The following TNRC18 variants were observed in gnomAD, a reference collection of about 807,000 sequenced individuals.
TNRC18 encodes trinucleotide repeat-containing gene 18 protein.
In TNRC18, 69 loss-of-function variants were observed where a neutral mutation model predicts 226.7. The observed-to-expected ratio is 0.30, with a 90% CI of 0.25 to 0.37. The LOEUF is 0.37. TNRC18 is among the 10% of genes least tolerant of loss of function. TNRC18 has a pLI of 1.00. For missense variants in TNRC18, 4,754 were observed against 4,256.6 expected, an observed-to-expected ratio of 1.12 and a Z score of -3.25; for synonymous variants, 2,449 against 1,927.6, an observed-to-expected ratio of 1.27 and a Z score of -7.09.
At chr7:5,353,345 T>G (rs1051888708) in intron 16 of TNRC18, among the ~76,000 whole-genome samples, 4 of 152,122 alleles carry the variant, frequency 2.6e-5, no homozygotes, top group Non-Finnish European at 4.4e-5. Flanking sequence ...GAGACCAGCC[T>G]GGCCAACATG....
At position 5,389,259 on chromosome 7, in the gene TNRC18, C is replaced by T. The variant is rs1375785277; in HGVS notation, c.565G>A (p.Gly189Ser). The change falls in exon 5 of 30, where the codon GGC (glycine) becomes AGC (serine). Residue 189 changes from glycine to serine, a missense_variant. By Grantham distance (56) the Gly-to-Ser change is moderately conservative. Transcript: ENST00000430969. ...TTGGCCGGGGCGCCCGAGGAGTGGC[C>T]GCCGCCAGGGGTCCGGGCCGAGGGC... The part of the protein sequence containing the change: ...HAPSARTPGG[G>S]HSSGAPAKGS... The T allele has an allele frequency of 2.3e-6, 3 of 1,314,492 alleles. No homozygotes were observed. Among genetic ancestry groups the T allele is most frequent in the Non-Finnish European group, 2.9e-6 (3 of 1,033,372 alleles). The allele number at this position is 1,314,492 out of a possible 1,614,324, so 81.4% of individuals were successfully genotyped here.
chr7:5,417,610 G>A (rs969867776), intron 2 of TNRC18, among the ~76,000 whole-genome samples: 4 of 152,160 alleles, frequency 2.6e-5, no homozygotes, highest in African/African-American at 4.8e-5. Flanking sequence ...CCTGGGACCC[G>A]AGCGGTGCCT....
chr7:5,361,554 C>T (rs374339214), intron 14 of TNRC18, 40 bp downstream of exon 14: 9 of 1,457,216 alleles, frequency 6.2e-6, no homozygotes, highest in Middle Eastern at 2.5e-4. Flanking sequence ...TCCCCTCAAG[C>T]TGTGTGCCAG....
rs1417864230 is a variant in TNRC18, at chr7:5,376,899, G to T, written c.2556C>A (p.Asp852Glu). 8 of 1,610,422 alleles carry T rather than the reference G, an allele frequency of 5.0e-6. No homozygotes were observed. The highest frequency in any genetic ancestry group is 2.2e-5 in the East Asian group (1 of 44,786). Residue 852 changes from aspartate (D) to glutamate (E), a missense_variant, in exon 8 of 30, where the codon GAC (aspartate) becomes GAA (glutamate). Transcript: ENST00000430969. ...TGACCACCAGCTGGCCCGATTGGGG[G>T]TCCCTGACAAACTGGTAGGCTGACG... ...SLPSAYQFVR[D>E]PQSGQLVVIP...
chr7:5,345,394 G>A (rs1791069296), intron 18 of TNRC18, among the ~76,000 whole-genome samples, 168 bp downstream of exon 18: 1 of 152,222 alleles, frequency 6.6e-6, no homozygotes, highest in African/African-American at 2.4e-5. Flanking sequence ...CAGGGCCCCT[G>A]TCGCGAGCAT....
intron 2 of TNRC18, among the ~76,000 whole-genome samples, chr7:5,402,017 CAAAA>C (rs2128209898): frequency 1.3e-5 from 2 of 151,244 alleles, no homozygotes; most frequent in Admixed American, 1.3e-4. Flanking sequence ...CTACTAAAAA[CAAAA>C]AGAAAAAATT....
intron 18 of TNRC18, among the ~76,000 whole-genome samples, chr7:5,339,541 ATGTGTG>A (rs71536907): frequency 5.9e-4 from 81 of 137,152 alleles, no homozygotes; most frequent in South Asian, 2.0e-3. Context: ...TGCCCAGCCA[ATGTGTG>A]TGTGTGTGTG....
Position 5,352,331 on chromosome 7 carries a change from CCCAGGCCCTTCCTAGACTGGATGCTG to C in TNRC18, c.5195-263_5195-238del, listed in dbSNP as rs572227822. ...TGCATGGCATCTTCCGAGTGCTGGA[CCCAGGCCCTTCCTAGACTGGATGCTG>C]CCAGCCTCACCCACCAGTCACTCCA... is the stretch of plus-strand genomic sequence containing the variant. On this transcript the variant is annotated intron_variant, in intron 16 of 29. Coordinates refer to ENST00000430969, the MANE Select transcript of TNRC18 (RefSeq NM_001080495.3). Among the ~76,000 whole-genome samples the C allele has an allele frequency of 2.9e-3, 434 of 152,276 alleles. 4 individuals carry two copies. The highest frequency in any genetic ancestry group is 1.0e-2 in the African/African-American group (414 of 41,568).
At position 5,388,962 on chromosome 7, in the gene TNRC18, C is replaced by A; in HGVS notation, c.862G>T (p.Ala288Ser). The change falls in exon 5 of 30, where the codon GCC becomes TCC. Residue 288 changes from alanine (A) to serine (S), a missense_variant. Transcript: ENST00000430969. ...PSVLTMCNGG[A>S]GDVGLPALVA... ...AGCGCGGGCAGCCCCACGTCCCCGG[C>A]GCCGCCGTTGCACATGGTCAGTACC... 1 of 1,387,086 alleles carries A rather than the reference C, an allele frequency of 7.2e-7. No individual in the cohort carries two copies. The highest frequency in any genetic ancestry group is 1.4e-5 in the South Asian group (1 of 72,104). The allele number at this position is 1,387,086 out of a possible 1,614,324, so 85.9% of individuals were successfully genotyped here.
chr7:5,418,401 C>T (rs995203407), intron 2 of TNRC18, among the ~76,000 whole-genome samples: 4 of 152,240 alleles, frequency 2.6e-5, no homozygotes, highest in Non-Finnish European at 5.9e-5. Context: ...CAGAAACCAG[C>T]TCTTCCAGAG....
At chr7:5,374,917 A>T (rs1157355536) in intron 9 of TNRC18, among the ~76,000 whole-genome samples, 1 of 152,222 alleles carries the variant, frequency 6.6e-6, no homozygotes, top group Admixed American at 6.5e-5. Context: ...AAAGGCCCCA[A>T]AGAGGGCAGG....
Position 5,421,270 on chromosome 7 carries a change from GC to G in TNRC18, c.-25del, listed in dbSNP as rs556246102. On this transcript the variant is annotated 5_prime_UTR_variant, in exon 2 of 30. Coordinates refer to ENST00000430969, the MANE Select transcript of TNRC18 (RefSeq NM_001080495.3). Reference sequence around the variant, plus strand: ...ATCCTCCGCGGGAGTGCCGCGATCAGCCCCCCACCCGGCCCGCAGGCCTAGC... The same window carrying G: ...ATCCTCCGCGGGAGTGCCGCGATCAGCCCCCACCCGGCCCGCAGGCCTAGC... 9 of 1,277,106 alleles carry G rather than the reference GC, an allele frequency of 7.0e-6. No homozygotes were observed. The highest frequency in any genetic ancestry group is 3.0e-5 in the South Asian group (1 of 32,928). The allele number at this position is 1,277,106 out of a possible 1,614,324, so 79.1% of individuals were successfully genotyped here.
intron 15 of TNRC18, 70 bp from the exon 16 acceptor site, chr7:5,357,346 C>T: frequency 1.3e-6 from 2 of 1,484,794 alleles, no homozygotes; most frequent in Middle Eastern, 3.6e-4. Context: ...AGTGCACATG[C>T]TCTGCCCAGC....
chr7:5,322,088 G>C (rs528503309), intron 21 of TNRC18, among the ~76,000 whole-genome samples: 8 of 151,922 alleles, frequency 5.3e-5, no homozygotes, highest in South Asian at 4.1e-4. Flanking sequence ...GACCATCCTA[G>C]CTAACATGGT....
rs145887131 is a variant in TNRC18 at position 5,400,946 on chromosome 7, G to A, written c.188-6351C>T. On this transcript the variant is annotated intron_variant, in intron 2 of 29. Coordinates refer to ENST00000430969, the MANE Select transcript of TNRC18 (RefSeq NM_001080495.3). ...TAACCCAGCTACCCTGGAAGCTGAG[G>A]TGGGAGGATTGCTCGAGCACAGGAG... Among the ~76,000 whole-genome samples the A allele has an allele frequency of 1.5e-3, 231 of 152,298 alleles. 2 individuals carry two copies. The highest frequency in any genetic ancestry group is 5.2e-3 in the African/African-American group (217 of 41,560).
Position 5,375,519 on chromosome 7 carries a change from A to G in TNRC18, c.2799+515T>C, listed in dbSNP as rs559516674. 2.0e-5 allele frequency among the ~76,000 whole-genome samples: 3 copies of G among 152,212 alleles called. No individual in the cohort carries two copies. The East Asian group carries it at 5.8e-4, about 29-fold the overall frequency. ...CAGGCCTGGCAGAGCTAAGATTCAG[A>G]CCCAGGGCTCAGGCTCTGAGAGCTT... On this transcript the variant is annotated intron_variant, in intron 9 of 29. Transcript: ENST00000430969.
chr7:5,353,903 C>T (rs983473868), intron 16 of TNRC18, among the ~76,000 whole-genome samples: 11 of 152,104 alleles, frequency 7.2e-5, no homozygotes, highest in African/African-American at 2.4e-4. Context: ...AGTGAAGTTG[C>T]CCATTTGACC....
In TNRC18 at chr7:5,315,166, G is replaced by A. The variant is rs114980970; in HGVS notation, c.6863-18C>T. 1.1e-3 allele frequency: 1,835 copies of A among 1,608,066 alleles called. 9 individuals are homozygous for A. In the African/African-American group the frequency reaches 0.022, roughly 19 times the overall value. Reference sequence around the variant, plus strand: ...CTCAGCACCTGTGGGGCAGAGGACAGAGTGGCTCATCAGGCCTGGGGTCCC... The same window carrying A: ...CTCAGCACCTGTGGGGCAGAGGACAAAGTGGCTCATCAGGCCTGGGGTCCC... On this transcript the variant is annotated intron_variant, in intron 25 of 29. Transcript: ENST00000430969.
rs187419014 is a variant in TNRC18 at position 5,318,591 on chromosome 7, C to G, written c.6745+1727G>C. On this transcript the variant is annotated intron_variant, in intron 24 of 29. Transcript: ENST00000430969. ...ATCAAAGCCTCCCTCTGCAGATACC[C>G]AGCATGATGAGAACACACACACACA... 3.5e-3 allele frequency among the ~76,000 whole-genome samples: 433 copies of G among 122,018 alleles called. 1 individual carries two copies. Among genetic ancestry groups the G allele is most frequent in the Middle Eastern group, 0.013 (3 of 232 alleles). The allele number at this position is 122,018 out of a possible 152,430, so 80.0% of individuals were successfully genotyped here. A position where few individuals can be genotyped will look rare whatever the true frequency, so the allele number is the denominator to read the frequency against.
Sources: allele counts gnomAD v4.1 joint callset (sites outside exome capture counted in the v4.1 genomes callset), GRCh38; gene constraint gnomAD v4.1.1; transcripts MANE v1.5; gene names NCBI Gene and HGNC (gene_info 2026-07-23, HGNC 2026-07-21).